PTPRD: variants seen among roughly 807,000 people sequenced by gnomAD.
The protein encoded by PTPRD is protein tyrosine phosphatase receptor type D, also known as receptor-type tyrosine-protein phosphatase delta.
PTPRD carries 34 observed loss-of-function variants against 214.5 expected under a neutral mutation model. The ratio of observed to expected loss-of-function variants is 0.16; its 90% confidence interval spans 0.12 to 0.21. The LOEUF (loss-of-function observed/expected upper bound fraction) is 0.21. Ranked by LOEUF, PTPRD falls within the 10% of genes least tolerant of loss-of-function variation. The pLI is 1.00. For synonymous variants in PTPRD, 1,128 were observed against 845.7 expected, an observed-to-expected ratio of 1.33 and a Z score of -5.79; for missense variants, 2,545 against 2,398.7, an observed-to-expected ratio of 1.06 and a Z score of -1.27.
At chr9:9,837,524 G>A (rs1448306458) in intron 5 of PTPRD, among the ~76,000 whole-genome samples, 3 of 152,096 alleles carry the variant, frequency 2.0e-5, no homozygotes, top group Non-Finnish European at 4.4e-5. Context: ...TATAGCTGAA[G>A]ATAGAGGGGT....
At chr9:10,519,031 T>G (rs1003816936) in intron 2 of PTPRD, among the ~76,000 whole-genome samples, 1 of 151,906 alleles carries the variant, frequency 6.6e-6, no homozygotes, top group Non-Finnish European at 1.5e-5. Flanking sequence ...CAGCTAACTC[T>G]TACCTTTTGC....
chr9:9,020,520 A>C (rs1467258702), intron 10 of PTPRD, among the ~76,000 whole-genome samples: 1 of 152,182 alleles, frequency 6.6e-6, no homozygotes, highest in East Asian at 1.9e-4. Context: ...AAGGTAAGAC[A>C]AAATAAGGAA....
intron 11 of PTPRD, among the ~76,000 whole-genome samples, chr9:8,934,520 A>AATATAT (rs60438547): frequency 1.2e-4 from 2 of 17,062 alleles, no homozygotes; most frequent in African/African-American, 4.3e-4. Context: ...TATATATATA[A>AATATAT]ATATATATAT....
chr9:9,908,307 T>C lies in PTPRD; in HGVS notation c.-368+30200A>G, dbSNP rs192096825. 5.3e-3 allele frequency among the ~76,000 whole-genome samples: 804 copies of C among 151,994 alleles called. 8 individuals are homozygous for C. The highest frequency in any genetic ancestry group is 0.019 in the African/African-American group (780 of 41,500). ...AGTTCTTCCACACTAATAGTATCAA[T>C]AGCTGGTATAAAGGGGGAGTGTCAA... On this transcript the variant is annotated intron_variant, in intron 5 of 45. Coordinates refer to ENST00000381196, the MANE Select transcript of PTPRD (RefSeq NM_002839.4).
At chr9:8,932,380 A>G (rs2098958825) in intron 11 of PTPRD, among the ~76,000 whole-genome samples, 1 of 152,120 alleles carries the variant, frequency 6.6e-6, no homozygotes, top group Non-Finnish European at 1.5e-5. Flanking sequence ...ATTGGTTTCA[A>G]ACAATATCTT....
intron 7 of PTPRD, among the ~76,000 whole-genome samples, chr9:9,641,204 T>C (rs546667699): frequency 1.6e-4 from 25 of 152,338 alleles, no homozygotes; most frequent in African/African-American, 5.5e-4. Context: ...TTTCATTTCA[T>C]CAAAATCATG....
rs1198635791 is a variant in PTPRD, at chr9:8,871,540, T to A, written c.-103-137594A>T. 2.6e-5 allele frequency among the ~76,000 whole-genome samples: 4 copies of A among 152,126 alleles called. No individual in the cohort carries two copies. The East Asian group carries it at 7.7e-4, about 29-fold the overall frequency. On this transcript the variant is annotated intron_variant, in intron 11 of 45. Transcript: ENST00000381196. Reference sequence around the variant, plus strand: ...TAATTTGCATGTGCTGAGGAAGAGTTTATATTTAGAACCAAGTTCTTGATC... The same window carrying A: ...TAATTTGCATGTGCTGAGGAAGAGTATATATTTAGAACCAAGTTCTTGATC...
intron 3 of PTPRD, among the ~76,000 whole-genome samples, chr9:10,301,483 G>T (rs1041854547): frequency 6.6e-6 from 1 of 152,150 alleles, no homozygotes; most frequent in Non-Finnish European, 1.5e-5. Flanking sequence ...AGCTAAAGAG[G>T]CATGTTCTAA....
chr9:9,469,614 A>T (rs1319149561), intron 8 of PTPRD, among the ~76,000 whole-genome samples: 1 of 152,214 alleles, frequency 6.6e-6, no homozygotes, highest in Admixed American at 6.5e-5. Flanking sequence ...GCTGGCAACT[A>T]ATTTGAGCAT....
chr9:8,606,182 G>A (rs1172518725), intron 14 of PTPRD, among the ~76,000 whole-genome samples: 1 of 152,014 alleles, frequency 6.6e-6, no homozygotes, highest in Non-Finnish European at 1.5e-5. Flanking sequence ...GAGGTTCCAA[G>A]GGAAGGAAAA....
intron 11 of PTPRD, among the ~76,000 whole-genome samples, chr9:8,817,741 T>C (rs1389913584): frequency 1.3e-5 from 2 of 152,070 alleles, no homozygotes; most frequent in Non-Finnish European, 2.9e-5. Context: ...ATTATGGGAG[T>C]TGGTAGTGTG....
At chr9:9,518,753 C>G (rs1000650054) in intron 8 of PTPRD, among the ~76,000 whole-genome samples, 1 of 151,480 alleles carries the variant, frequency 6.6e-6, no homozygotes, top group Non-Finnish European at 1.5e-5. Flanking sequence ...CAAGGCAGCA[C>G]AGTAGAATTC....
intron 9 of PTPRD, among the ~76,000 whole-genome samples, chr9:9,206,705 G>C (rs2099945083): frequency 2.0e-5 from 3 of 152,272 alleles, no homozygotes; most frequent in Admixed American, 1.3e-4. Context: ...TCCTGGCCTT[G>C]AACATCAGAC....
chr9:9,219,139 T>C (rs1449009135), intron 9 of PTPRD, among the ~76,000 whole-genome samples: 1 of 152,144 alleles, frequency 6.6e-6, no homozygotes. Flanking sequence ...GATTTCAATG[T>C]ACAGATATTT....
At chr9:9,248,510 C>A (rs1321730429) in intron 9 of PTPRD, among the ~76,000 whole-genome samples, 1 of 151,984 alleles carries the variant, frequency 6.6e-6, no homozygotes, top group Non-Finnish European at 1.5e-5. Flanking sequence ...ATTTAGTAAG[C>A]AATGGTGGAG....
chr9:8,697,377 G>C (rs1597284950), intron 12 of PTPRD, among the ~76,000 whole-genome samples: 1 of 120,700 alleles, frequency 8.3e-6, no homozygotes. Context: ...TAAGTTTGTT[G>C]TTGATTTGGG....
chr9:8,568,949 C>T (rs1320480301), intron 14 of PTPRD, among the ~76,000 whole-genome samples: 1 of 152,042 alleles, frequency 6.6e-6, no homozygotes, highest in East Asian at 1.9e-4. Flanking sequence ...AATACAAACA[C>T]TAACATCATT....
intron 8 of PTPRD, among the ~76,000 whole-genome samples, chr9:9,511,392 A>G (rs997516500): frequency 3.3e-5 from 5 of 151,736 alleles, no homozygotes; most frequent in African/African-American, 7.3e-5. Flanking sequence ...TGCTAGGTGA[A>G]TATCTGTAGG....
intron 14 of PTPRD, among the ~76,000 whole-genome samples, chr9:8,540,439 CA>C (rs1304862255): frequency 6.6e-6 from 1 of 151,966 alleles, no homozygotes; most frequent in East Asian, 1.9e-4. Flanking sequence ...TATTTAATTA[CA>C]AACAATGAAC....
Sources: allele counts gnomAD v4.1 joint callset (sites outside exome capture counted in the v4.1 genomes callset), GRCh38; gene constraint gnomAD v4.1.1; transcripts MANE v1.5; gene names NCBI Gene and HGNC (gene_info 2026-07-23, HGNC 2026-07-21).